The following NKAIN2 variants were observed in gnomAD, a reference collection of about 807,000 sequenced individuals.
NKAIN2 encodes sodium/potassium-transporting ATPase subunit beta-1-interacting protein 2.
In NKAIN2, 14 loss-of-function variants were observed where a neutral mutation model predicts 32.6. The ratio of observed to expected loss-of-function variants is 0.43; its 90% CI spans 0.28 to 0.67. NKAIN2 has a LOEUF of 0.67. Ranked by LOEUF, NKAIN2 falls within the 30% of genes least tolerant of loss-of-function variation. NKAIN2 has a pLI of 0.17. For missense variants in NKAIN2, 198 were observed against 258.3 expected, an observed-to-expected ratio of 0.77 and a Z score of 1.60; for synonymous variants, 80 against 87.2, an observed-to-expected ratio of 0.92 and a Z score of 0.46.
chr6:124,150,865 G>C (rs966940098), intron 1 of NKAIN2, among the ~76,000 whole-genome samples: 1 of 151,914 alleles, frequency 6.6e-6, no homozygotes, highest in East Asian at 1.9e-4. Context: ...ATTGTGAATT[G>C]GTAGATGTAA....
At position 124,618,480 on chromosome 6, in the gene NKAIN2, AAAAT is replaced by A. The variant is rs201885427; in HGVS notation, c.274-39686_274-39683del. Among the ~76,000 whole-genome samples, 1,082 of 152,314 alleles carry A rather than the reference AAAAT, an allele frequency of 7.1e-3. 11 individuals carry two copies. The highest frequency in any genetic ancestry group is 0.012 in the Admixed American group (188 of 15,300). ...GTGACAAGAGTGAAACTCTGTCTCA[AAAAT>A]AAATAAATAAATAAATAAAAATTCT... On this transcript the variant is annotated intron_variant, in intron 3 of 6. Coordinates refer to ENST00000368417, the MANE Select transcript of NKAIN2 (RefSeq NM_001040214.3).
At chr6:124,374,774 T>C (rs1799910429) in intron 3 of NKAIN2, among the ~76,000 whole-genome samples, 1 of 152,136 alleles carries the variant, frequency 6.6e-6, no homozygotes, top group Non-Finnish European at 1.5e-5. Context: ...ACAACCTAAC[T>C]ATCCAACAGT....
intron 3 of NKAIN2, among the ~76,000 whole-genome samples, chr6:124,455,062 T>A (rs1475268396): frequency 1.8e-4 from 27 of 152,072 alleles, no homozygotes; most frequent in Admixed American, 1.8e-3. Context: ...ACATGCATGA[T>A]CATCTTAGCA....
chr6:124,783,566 C>T (rs1779369198), intron 4 of NKAIN2, among the ~76,000 whole-genome samples: 1 of 152,124 alleles, frequency 6.6e-6, no homozygotes, highest in Admixed American at 6.6e-5. Context: ...TTGATAACTG[C>T]ACCTGGATTA....
intron 1 of NKAIN2, among the ~76,000 whole-genome samples, chr6:124,197,992 G>A (rs1790405529): frequency 6.6e-6 from 1 of 151,934 alleles, no homozygotes; most frequent in African/African-American, 2.4e-5. Context: ...AATCTGCCAG[G>A]TTACTAGTTT....
At chr6:124,272,242 A>G (rs1373555622) in intron 1 of NKAIN2, among the ~76,000 whole-genome samples, 1 of 152,214 alleles carries the variant, frequency 6.6e-6, no homozygotes, top group Non-Finnish European at 1.5e-5. Context: ...ACAGGCCCAG[A>G]GGCCTAGGAG....
In NKAIN2 at chr6:124,825,170, G is replaced by A. The variant is rs1029239251; in HGVS notation, c.*1941G>A. The A allele has an allele frequency of 2.6e-5, 4 of 152,534 alleles. No individual in the cohort carries two copies. The highest frequency in any genetic ancestry group is 6.5e-5 in the Admixed American group (1 of 15,268). The allele number at this position is 152,534 out of a possible 1,614,324, so 9.4% of individuals were successfully genotyped here. A position where few individuals can be genotyped will look rare whatever the true frequency, so the allele number is the denominator to read the frequency against. ...AAACTATTCTAATGTGACTTTTAAT[G>A]TGACTATTAAAAATGAGGTTTCACT... On this transcript the variant is annotated 3_prime_UTR_variant, in exon 7 of 7. Coordinates refer to ENST00000368417, the MANE Select transcript of NKAIN2 (RefSeq NM_001040214.3).
In NKAIN2 at chr6:124,443,253, C is replaced by A. The variant is rs1405888563; in HGVS notation, c.273+87906C>A. Among the ~76,000 whole-genome samples, 4 of 152,052 alleles carry A rather than the reference C, an allele frequency of 2.6e-5. No individual in the cohort carries two copies. In the East Asian group the frequency reaches 7.7e-4, roughly 29 times the overall value. ...CTCCAATTCATTTGCTACTTTTGCT[C>A]TTCTGTTTCAATTAGCGGGATGTTA... is the stretch of plus-strand genomic sequence containing the variant. On this transcript the variant is annotated intron_variant, in intron 3 of 6. Transcript: ENST00000368417.
rs189864085 is a variant in NKAIN2 at position 124,734,270 on chromosome 6, G to A, written c.475-57069G>A. ...TATTTACAAAAATCTCTTAAATCTT[G>A]ACCCTATTTGCTGTTATCTCTGCTG... On this transcript the variant is annotated intron_variant, in intron 4 of 6. Transcript: ENST00000368417. 6.6e-5 allele frequency among the ~76,000 whole-genome samples: 10 copies of A among 151,742 alleles called. No individual in the cohort carries two copies. In the East Asian group the frequency reaches 1.8e-3, roughly 27 times the overall value.
At chr6:124,336,531 G>T (rs767515289) in intron 2 of NKAIN2, among the ~76,000 whole-genome samples, 6 of 152,122 alleles carry the variant, frequency 3.9e-5, no homozygotes, top group Non-Finnish European at 7.4e-5. Context: ...AGCTCTGATA[G>T]CATTGAGCCA....
intron 4 of NKAIN2, among the ~76,000 whole-genome samples, chr6:124,775,418 A>G (rs998225853): frequency 6.6e-6 from 1 of 152,216 alleles, no homozygotes; most frequent in Non-Finnish European, 1.5e-5. Context: ...AAGTTGATAC[A>G]GTACAGCTTT....
intron 1 of NKAIN2, among the ~76,000 whole-genome samples, chr6:123,960,619 C>A (rs772024294): frequency 6.6e-6 from 1 of 151,880 alleles, no homozygotes; most frequent in Non-Finnish European, 1.5e-5. Flanking sequence ...CCTCCCCACT[C>A]CCATCTCTTC....
intron 1 of NKAIN2, among the ~76,000 whole-genome samples, chr6:124,045,941 G>T (rs1562326823): frequency 6.6e-6 from 1 of 151,966 alleles, no homozygotes; most frequent in Non-Finnish European, 1.5e-5. Flanking sequence ...GGTCTGTCTA[G>T]AAATTAAAAC....
At chr6:124,206,339 C>T (rs749006893) in intron 1 of NKAIN2, among the ~76,000 whole-genome samples, 8 of 151,716 alleles carry the variant, frequency 5.3e-5, no homozygotes, top group African/African-American at 9.7e-5. Flanking sequence ...AAAGATTAAG[C>T]GCATAAAACA....
intron 1 of NKAIN2, among the ~76,000 whole-genome samples, chr6:124,097,272 C>G (rs234473): frequency 0.63 from 95,520 of 151,674 alleles, 30,264 homozygotes; most frequent in East Asian, 0.74. Context: ...TGGTGGCGGG[C>G]GCCTGTAGTC....
At chr6:124,140,504 A>G (rs1221591971) in intron 1 of NKAIN2, among the ~76,000 whole-genome samples, 1 of 152,164 alleles carries the variant, frequency 6.6e-6, no homozygotes, top group Non-Finnish European at 1.5e-5. Flanking sequence ...AATTGAAAAT[A>G]CGTGCCATTT....
intron 4 of NKAIN2, among the ~76,000 whole-genome samples, chr6:124,767,819 A>AT (rs1384590106): frequency 6.6e-6 from 1 of 152,036 alleles, no homozygotes; most frequent in Non-Finnish European, 1.5e-5. Flanking sequence ...TGGTCCATTC[A>AT]TTTTTTACTT....
At chr6:124,689,114 C>T (rs1774136855) in intron 4 of NKAIN2, among the ~76,000 whole-genome samples, 1 of 152,140 alleles carries the variant, frequency 6.6e-6, no homozygotes, top group Non-Finnish European at 1.5e-5. Flanking sequence ...GATAGTTCCT[C>T]TTCCTCCACA....
chr6:124,078,963 C>G (rs1238153035), intron 1 of NKAIN2, among the ~76,000 whole-genome samples: 1 of 151,914 alleles, frequency 6.6e-6, no homozygotes, highest in Non-Finnish European at 1.5e-5. Context: ...TTTTCTTCTT[C>G]CTCTTACTAT....
Sources: gnomAD v4.1 joint callset for allele counts (sites outside exome capture counted in the v4.1 genomes callset) on GRCh38, gnomAD v4.1.1 for gene constraint, MANE v1.5 for transcripts, NCBI Gene and HGNC (gene_info 2026-07-23, HGNC 2026-07-21) for gene names.